TIE1: variants seen among roughly 807,000 people sequenced by gnomAD.
TIE1 encodes tyrosine kinase with immunoglobulin like and EGF like domains 1.
A neutral mutation model predicts 130.5 loss-of-function variants in TIE1; 89 were observed. The observed-to-expected ratio is 0.68, with a 90% CI of 0.57 to 0.81. The LOEUF (loss-of-function observed/expected upper bound fraction) is 0.81. Among genes scored for constraint, TIE1 ranks in the 40% least tolerant of loss-of-function variants. The probability of loss-of-function intolerance (pLI) is 0.00; values close to 1 mark genes in which losing one functional copy is unlikely to be tolerated. For synonymous variants in TIE1, 568 were observed against 629.4 expected (o/e 0.90, Z 1.46); for missense variants, 1,392 against 1,559.8 (o/e 0.89, Z 1.81).
intron 9 of TIE1, among the ~76,000 whole-genome samples, chr1:43,310,510 T>C (rs1646779083): frequency 6.6e-6 from 1 of 152,204 alleles, no homozygotes; most frequent in Admixed American, 6.5e-5. Flanking sequence ...TGTATGTCGA[T>C]AATTATTGTT....
Position 43,306,856 on chromosome 1 carries a change from C to G in TIE1, c.501C>G (p.Thr167=), listed in dbSNP as rs889479398. Residue 167 remains threonine (T), a synonymous_variant, in exon 4 of 23, where the codon ACC becomes ACG. Transcript: ENST00000372476. The surrounding 1 kb of genome is among the most constrained non-coding windows in gnomAD (Gnocchi z 4.9). ...IWKSNGSYFY[T]LDWHEAQDGR... is the part of the protein sequence containing the mutation. ...GTCCCCCAGGATCCTACTTCTACACCCTGGACTGGCATGAAGCCCAGGATG... is the reference window on the plus strand; with the variant it reads ...GTCCCCCAGGATCCTACTTCTACACGCTGGACTGGCATGAAGCCCAGGATG... The G allele has an allele frequency of 3.1e-6, 5 of 1,612,904 alleles. No homozygotes were observed. The highest frequency in any genetic ancestry group is 1.7e-5 in the Admixed American group (1 of 59,898).
chr1:43,321,579 T>C, intron 21 of TIE1, 37 bp from the exon 22 acceptor site: 2 of 1,554,964 alleles, frequency 1.3e-6, no homozygotes, highest in East Asian at 2.4e-5. Context: ...TCACCCCAGC[T>C]GGCCTGACTC....
At position 43,307,531 on chromosome 1, in the gene TIE1, G is replaced by A. The variant is rs759414642; in HGVS notation, c.872G>A (p.Cys291Tyr). The A allele has an allele frequency of 2.5e-6, 4 of 1,614,048 alleles. No homozygotes were observed. In the African/African-American group the frequency reaches 5.3e-5, roughly 22 times the overall value. Residue 291 changes from cysteine (C) to tyrosine (Y), a missense_variant, in exon 6 of 23, where the codon TGC (cysteine) becomes TAC (tyrosine). By Grantham distance (194) the Cys-to-Tyr change is radical (BLOSUM62 -2). This residue lies in a region of TIE1 where 415 missense variants were observed against 424.8 expected (regional missense o/e 0.98). Transcript: ENST00000372476. The surrounding 1 kb of genome is among the most constrained non-coding windows in gnomAD (Gnocchi z 5.4). The part of the protein sequence containing the change: ...LTFCLPDPYG[C>Y]SCGSGWRGSQ... ...TTCTGCCTCCCAGACCCCTATGGCTGCTCTTGTGGATCTGGCTGGAGAGGA... is the reference window on the plus strand; with the variant it reads ...TTCTGCCTCCCAGACCCCTATGGCTACTCTTGTGGATCTGGCTGGAGAGGA...
At position 43,315,004 on chromosome 1, in the gene TIE1, A is replaced by G. The variant is rs1341437858; in HGVS notation, c.2409+1036A>G. Among the ~76,000 whole-genome samples the G allele has an allele frequency of 1.0e-5, 1 of 98,298 alleles. No individual in the cohort carries two copies. The highest frequency in any genetic ancestry group is 2.0e-5 in the Non-Finnish European group (1 of 49,154). The allele number at this position is 98,298 out of a possible 152,430, so 64.5% of individuals were successfully genotyped here. ...CCTGCTCCTTGAAAGAGGAAGCACA[A>G]ACCTCCACTCCTCCTGGCTTCCCTG... On this transcript the variant is annotated intron_variant, in intron 14 of 22. Coordinates refer to ENST00000372476, the MANE Select transcript of TIE1 (RefSeq NM_005424.5). This position sits in a 1 kb window ranked among gnomAD's most constrained non-coding sequence, Gnocchi z 4.4.
rs1439918492 is a variant in TIE1 at position 43,307,286 on chromosome 1, G to A, written c.772+13G>A. The A allele has an allele frequency of 1.9e-6, 3 of 1,614,012 alleles. No individual in the cohort carries two copies. In the East Asian group the frequency reaches 6.7e-5, roughly 36 times the overall value. On this transcript the variant is annotated intron_variant, in intron 5 of 22. Coordinates refer to ENST00000372476, the MANE Select transcript of TIE1 (RefSeq NM_005424.5). This position sits in a 1 kb window ranked among gnomAD's most constrained non-coding sequence, Gnocchi z 5.4. ...CGCTGTGAACAGGGTAAGGAGGAGG[G>A]GAGCTAGGACCCAGGCAGGAGAGGA...
chr1:43,305,434 C>A (rs1220734678), intron 3 of TIE1, 91 bp downstream of exon 3: 3 of 1,253,780 alleles, frequency 2.4e-6, no homozygotes, highest in South Asian at 1.6e-5. Context: ...TCAGCTTTGG[C>A]CCCTGACACA....
At chr1:43,310,781 C>G (rs912751419) in intron 9 of TIE1, among the ~76,000 whole-genome samples, 1 of 152,184 alleles carries the variant, frequency 6.6e-6, no homozygotes, top group East Asian at 1.9e-4. Flanking sequence ...CTTCTCTGCA[C>G]CCAAAATGGA....
chr1:43,303,551 A>G (rs1389836840), intron 1 of TIE1, among the ~76,000 whole-genome samples: 1 of 152,124 alleles, frequency 6.6e-6, no homozygotes, highest in Non-Finnish European at 1.5e-5. Flanking sequence ...CAGCTACAAG[A>G]GACAGAGAAG....
rs1266866121 is a variant in TIE1, at chr1:43,313,986, C to T, written c.2409+18C>T. The T allele has an allele frequency of 6.2e-7, 1 of 1,613,888 alleles. No homozygotes were observed. Among genetic ancestry groups the T allele is most frequent in the Admixed American group, 1.7e-5 (1 of 60,026 alleles). ...CAGGCTCGGTCAGTGACCCGCCCCG[C>T]CCCTGGGTGCATGCTTGCAGCCCGT... On this transcript the variant is annotated intron_variant, in intron 14 of 22. Transcript: ENST00000372476. The surrounding 1 kb of genome is among the most constrained non-coding windows in gnomAD (Gnocchi z 6.2).
At position 43,311,628 on chromosome 1, in the gene TIE1, G is replaced by A; in HGVS notation, c.1334-43G>A. 2 of 1,588,382 alleles carry A rather than the reference G, an allele frequency of 1.3e-6. 1 individual carries two copies. Among genetic ancestry groups the A allele is most frequent in the South Asian group, 2.3e-5 (2 of 86,430 alleles). On this transcript the variant is annotated intron_variant, in intron 9 of 22. Coordinates refer to ENST00000372476, the MANE Select transcript of TIE1 (RefSeq NM_005424.5). ...TGAAACAAAGATGCAGAAGTGGACT[G>A]GATAGGCTGTGTGCCCATGCCTTAC... is the stretch of plus-strand genomic sequence containing the variant.
chr1:43,305,316 C>A lies in TIE1; in HGVS notation c.457C>A (p.Gln153Lys). 6.3e-7 allele frequency: 1 copy of A among 1,587,726 alleles called. No homozygotes were observed. Among genetic ancestry groups the A allele is most frequent in the Non-Finnish European group, 8.6e-7 (1 of 1,163,438 alleles). Reference protein sequence around the residue: ...VLSARVHKEKQTDVIWKSNGS... With the variant: ...VLSARVHKEKKTDVIWKSNGS... ...TTCTGCACGTGTGCACAAGGAGAAG[C>A]AGACAGACGTGATCTGGAAGAGCAA... The change falls in exon 3 of 23, where the codon CAG (glutamine) becomes AAG (lysine). Residue 153 changes from glutamine (Q) to lysine (K), a missense_variant. Around this residue, in one of 6 missense-constraint regions of TIE1, gnomAD observed 415 missense variants for 424.8 expected, o/e 0.98. Coordinates refer to ENST00000372476, the MANE Select transcript of TIE1 (RefSeq NM_005424.5).
In TIE1 at chr1:43,304,870, G is replaced by T. The variant is rs553287342; in HGVS notation, c.78G>T (p.Thr26=). ...CCCCAGGCGCGGCGGTGGACCTGACGCTGCTGGCCAACCTGCGGCTCACGG... is the reference window on the plus strand; with the variant it reads ...CCCCAGGCGCGGCGGTGGACCTGACTCTGCTGGCCAACCTGCGGCTCACGG... ...ASHVGAAVDL[T]LLANLRLTDP... Residue 26 remains threonine (T), a synonymous_variant, in exon 2 of 23, where the codon ACG becomes ACT. Coordinates refer to ENST00000372476, the MANE Select transcript of TIE1 (RefSeq NM_005424.5). 3.5e-6 allele frequency: 5 copies of T among 1,423,020 alleles called. No homozygotes were observed. The highest frequency in any genetic ancestry group is 3.0e-5 in the Admixed American group (1 of 32,920). 88.1% of individuals were successfully genotyped at this position (1,423,020 alleles called of 1,614,324 possible).
chr1:43,314,623 T>A (rs1646841494), intron 14 of TIE1: 4 of 874,094 alleles, frequency 4.6e-6, no homozygotes, highest in Non-Finnish European at 4.1e-6. Flanking sequence ...AGGTCAGGAG[T>A]TTGAGACCAG....
rs766220795 is a variant in TIE1, at chr1:43,313,211, G to C, written c.2004G>C (p.Glu668Asp). 25 of 1,613,844 alleles carry C rather than the reference G, an allele frequency of 1.5e-5. No homozygotes were observed. The highest frequency in any genetic ancestry group is 1.9e-5 in the Non-Finnish European group (22 of 1,179,926). The change falls in exon 13 of 23, where the codon GAG (glutamate) becomes GAC (aspartate). Residue 668 changes from glutamate (E) to aspartate (D), a missense_variant. Glu to Asp is a conservative substitution (Grantham distance 45). Around this residue, in one of 6 missense-constraint regions of TIE1, gnomAD observed 551 missense variants for 565.5 expected, o/e 0.97. Transcript: ENST00000372476. The surrounding 1 kb of genome is among the most constrained non-coding windows in gnomAD (Gnocchi z 6.2). ...TCCAGCTGACATGGAAGCACCCGGAGGCTCTGCCTGGGCCAATATCCAAGT... is the reference window on the plus strand; with the variant it reads ...TCCAGCTGACATGGAAGCACCCGGACGCTCTGCCTGGGCCAATATCCAAGT... Reference protein sequence around the residue: ...SEIQLTWKHPEALPGPISKYV... With the variant: ...SEIQLTWKHPDALPGPISKYV...
In TIE1 at chr1:43,322,614, C is replaced by G; in HGVS notation, c.3346-37C>G. 6.3e-7 allele frequency: 1 copy of G among 1,580,962 alleles called. No homozygotes were observed. The highest frequency in any genetic ancestry group is 1.1e-5 in the South Asian group (1 of 90,224). On this transcript the variant is annotated intron_variant, in intron 22 of 22. Coordinates refer to ENST00000372476, the MANE Select transcript of TIE1 (RefSeq NM_005424.5). This position sits in a 1 kb window ranked among gnomAD's most constrained non-coding sequence, Gnocchi z 4.0. ...AGGAGCTTGAGGCCAGATGCACCCC[C>G]ATTCCTGGCCCCCACTAAAGCTTGC...
At chr1:43,308,964 G>T (rs943453925) in intron 7 of TIE1, 22 bp from the exon 8 acceptor site, 1 of 1,614,010 alleles carries the variant, frequency 6.2e-7, no homozygotes, top group Non-Finnish European at 8.5e-7. Context: ...GGAGCTCCAG[G>T]ATGAGTGTCC....
rs1646854905 is a variant in TIE1, at chr1:43,316,013, C to T, written c.2410-1186C>T. Among the ~76,000 whole-genome samples the T allele has an allele frequency of 1.3e-5, 2 of 152,150 alleles. No individual in the cohort carries two copies. Among genetic ancestry groups the T allele is most frequent in the African/African-American group, 2.4e-5 (1 of 41,430 alleles). On this transcript the variant is annotated intron_variant, in intron 14 of 22. Coordinates refer to ENST00000372476, the MANE Select transcript of TIE1 (RefSeq NM_005424.5). This position sits in a 1 kb window ranked among gnomAD's most constrained non-coding sequence, Gnocchi z 4.4. ...GCTCGAGGTAACAATGAGCTGAGAT[C>T]GTGCCATTGCCCTTCCGCCTGGGCA...
rs994148889 is a variant in TIE1 at position 43,307,631 on chromosome 1, G to A, written c.913+59G>A. On this transcript the variant is annotated intron_variant, in intron 6 of 22. Transcript: ENST00000372476. The surrounding 1 kb of genome is among the most constrained non-coding windows in gnomAD (Gnocchi z 5.4). ...AGACAGCTGGCCAGGAGCTTGACCCGGACCCTCCACTCTGCCTCTGACTTA... is the reference window on the plus strand; with the variant it reads ...AGACAGCTGGCCAGGAGCTTGACCCAGACCCTCCACTCTGCCTCTGACTTA... 53 of 1,610,938 alleles carry A rather than the reference G, an allele frequency of 3.3e-5. No individual in the cohort carries two copies. In the Admixed American group the frequency reaches 3.3e-4, roughly 10 times the overall value.
chr1:43,304,988 G>A lies in TIE1; in HGVS notation c.196G>A (p.Asp66Asn), dbSNP rs2153910261. 6.7e-7 allele frequency: 1 copy of A among 1,496,236 alleles called. No individual in the cohort carries two copies. The highest frequency in any genetic ancestry group is 1.4e-5 in the South Asian group (1 of 73,908). 92.7% of individuals were successfully genotyped at this position (1,496,236 alleles called of 1,614,324 possible). ...AWGPPLLLEK[D>N]DRIVRTPPGP... is the part of the protein sequence containing the mutation. Reference sequence around the variant, plus strand: ...GGGCCCGCCCCTGCTGCTGGAGAAGGACGACCGTATCGTGCGCACCCCGCC... The same window carrying A: ...GGGCCCGCCCCTGCTGCTGGAGAAGAACGACCGTATCGTGCGCACCCCGCC... Residue 66 changes from aspartate to asparagine, a missense_variant, in exon 2 of 23, where the codon GAC becomes AAC. Asp to Asn is a conservative substitution (Grantham distance 23). This residue lies in a region of TIE1 where 415 missense variants were observed against 424.8 expected (regional missense o/e 0.98). Coordinates refer to ENST00000372476, the MANE Select transcript of TIE1 (RefSeq NM_005424.5).
Sources: allele counts gnomAD v4.1 joint callset (sites outside exome capture counted in the v4.1 genomes callset), GRCh38; gene constraint gnomAD v4.1.1; regional missense constraint gnomAD v4.1.1; non-coding constraint Gnocchi (gnomAD v3.1); transcripts MANE v1.5; gene names NCBI Gene and HGNC (gene_info 2026-07-23, HGNC 2026-07-21).